Variants in BCR observed in about 807,000 individuals in gnomAD.
The protein encoded by BCR is BCR activator of RhoGEF and GTPase.
In BCR, 58 loss-of-function variants were observed where a neutral mutation model predicts 138.6. That is an observed-to-expected ratio of 0.42 (90% CI 0.34 to 0.52). The LOEUF (loss-of-function observed/expected upper bound fraction) is 0.52, where lower values mean the gene tolerates loss of function less well. Among genes scored for constraint, BCR ranks in the 20% least tolerant of loss-of-function variants. BCR has a pLI of 0.06. For synonymous variants in BCR, 786 were observed against 730.1 expected (o/e 1.08, Z -1.23); for missense variants, 1,599 against 1,727.2 (o/e 0.93, Z 1.32).
At chr22:23,304,634 T>C (rs1332531183) in intron 16 of BCR, among the ~76,000 whole-genome samples, 1 of 152,180 alleles carries the variant, frequency 6.6e-6, no homozygotes, top group African/African-American at 2.4e-5. Context: ...GGTGACTATT[T>C]GGGGAACTGC....
intron 16 of BCR, 51 bp downstream of exon 16, chr22:23,295,206 C>T: frequency 1.3e-6 from 2 of 1,559,574 alleles, no homozygotes; most frequent in Non-Finnish European, 1.7e-6. Flanking sequence ...CGTCCTTTTT[C>T]ATGCAGCCCC....
intron 1 of BCR, 61 bp from the exon 2 acceptor site, chr22:23,253,738 G>A: frequency 6.5e-7 from 1 of 1,544,826 alleles, no homozygotes; most frequent in Non-Finnish European, 8.8e-7. Context: ...TTGCTGGGAT[G>A]GGTTGAGTAT....
At chr22:23,215,498 A>C (rs1979712615) in intron 1 of BCR, among the ~76,000 whole-genome samples, 1 of 152,230 alleles carries the variant, frequency 6.6e-6, no homozygotes, top group Non-Finnish European at 1.5e-5. Flanking sequence ...TTCTGGCTGC[A>C]AGCCCCATAC....
intron 1 of BCR, among the ~76,000 whole-genome samples, chr22:23,206,055 T>C (rs5996487): frequency 0.071 from 10,825 of 152,186 alleles, 1,289 homozygotes; most frequent in African/African-American, 0.24. Flanking sequence ...GATTCTTTCC[T>C]CAGAGAAGTT....
intron 1 of BCR, among the ~76,000 whole-genome samples, chr22:23,238,496 T>G (rs769837116): frequency 6.6e-5 from 10 of 152,040 alleles, no homozygotes; most frequent in Non-Finnish European, 1.5e-4. Flanking sequence ...ATACCTGAAG[T>G]TGGGGATCCT....
chr22:23,196,912 G>T (rs1475596296), intron 1 of BCR, among the ~76,000 whole-genome samples: 1 of 152,220 alleles, frequency 6.6e-6, no homozygotes, highest in Non-Finnish European at 1.5e-5. Context: ...ACTGATACCA[G>T]TTCATGGCCC....
intron 8 of BCR, 29 bp from the exon 9 acceptor site, chr22:23,283,948 C>T (rs1288494773): frequency 2.6e-6 from 4 of 1,566,920 alleles, no homozygotes; most frequent in Non-Finnish European, 1.7e-6. Context: ...CCAGGCTGGC[C>T]CTGACCCCAG....
At chr22:23,218,197 G>A (rs1012934572) in intron 1 of BCR, among the ~76,000 whole-genome samples, 26 of 152,208 alleles carry the variant, frequency 1.7e-4, no homozygotes, top group Admixed American at 1.6e-3. Flanking sequence ...GGCCCTGCCA[G>A]TGCCCTGGCT....
At chr22:23,199,452 C>A (rs939569869) in intron 1 of BCR, 5 of 394,592 alleles carry the variant, frequency 1.3e-5, no homozygotes, top group Non-Finnish European at 2.5e-5. Flanking sequence ...GATGGGCTGG[C>A]GGGCTGGGAG....
At chr22:23,242,128 G>T (rs1158721904) in intron 1 of BCR, among the ~76,000 whole-genome samples, 1 of 152,168 alleles carries the variant, frequency 6.6e-6, no homozygotes, top group Non-Finnish European at 1.5e-5. Flanking sequence ...CTTCACCAGA[G>T]TCAAGTCCAG....
chr22:23,240,520 G>A (rs1249520257), intron 1 of BCR, among the ~76,000 whole-genome samples: 2 of 151,872 alleles, frequency 1.3e-5, no homozygotes, highest in African/African-American at 2.4e-5. Context: ...GCGTGGTGGC[G>A]GGCGCCTGTA....
At chr22:23,271,510 A>G (rs1209126177) in intron 5 of BCR, 22 bp from the exon 6 acceptor site, 1 of 1,613,488 alleles carries the variant, frequency 6.2e-7, no homozygotes, top group Admixed American at 1.7e-5. Context: ...ATCTGTGTGA[A>G]CATGCGCTTT....
intron 8 of BCR, among the ~76,000 whole-genome samples, chr22:23,277,529 G>C (rs904386916): frequency 6.6e-6 from 1 of 152,216 alleles, no homozygotes; most frequent in African/African-American, 2.4e-5. Flanking sequence ...TGCTGCTGCT[G>C]CTGGGAGTGT....
chr22:23,263,560 G>C, intron 4 of BCR: 1 of 1,573,898 alleles, frequency 6.4e-7, no homozygotes, highest in Non-Finnish European at 8.7e-7. Flanking sequence ...CGTCCAGATG[G>C]TGCCAGCTTG....
intron 2 of BCR, 36 bp from the exon 3 acceptor site, chr22:23,260,914 C>T (rs750991222): frequency 6.3e-7 from 1 of 1,590,010 alleles, no homozygotes; most frequent in Non-Finnish European, 8.6e-7. Context: ...CCCCCTACCA[C>T]CCTTCCAGGC....
intron 1 of BCR, among the ~76,000 whole-genome samples, chr22:23,202,053 G>A (rs1277799750): frequency 6.6e-6 from 1 of 152,128 alleles, no homozygotes; most frequent in Non-Finnish European, 1.5e-5. Context: ...AGTAAATCTT[G>A]TGTAAATATT....
chr22:23,235,675 CA>C (rs1487707976), intron 1 of BCR, among the ~76,000 whole-genome samples: 1 of 152,146 alleles, frequency 6.6e-6, no homozygotes, highest in African/African-American at 2.4e-5. Flanking sequence ...GCTGCTATAA[CA>C]AAAATGCCAT....
intron 16 of BCR, 88 bp from the exon 17 acceptor site, chr22:23,309,336 T>G: frequency 9.3e-7 from 1 of 1,076,512 alleles, no homozygotes; most frequent in Non-Finnish European, 1.4e-6. Flanking sequence ...TGACTAAGGG[T>G]TGGGGAAGTG....
At chr22:23,278,942 G>A (rs1307807576) in intron 8 of BCR, among the ~76,000 whole-genome samples, 1 of 152,206 alleles carries the variant, frequency 6.6e-6, no homozygotes, top group Non-Finnish European at 1.5e-5. Flanking sequence ...ATAAACATTG[G>A]CAAACAAAGC....
Sources: allele counts gnomAD v4.1 joint callset (sites outside exome capture counted in the v4.1 genomes callset), GRCh38; gene constraint gnomAD v4.1.1; transcripts MANE v1.5; gene names NCBI Gene and HGNC (gene_info 2026-07-23, HGNC 2026-07-21).